EPB41L4B: variants seen among roughly 807,000 people sequenced by gnomAD.
EPB41L4B encodes the protein band 4.1-like protein 4B.
EPB41L4B carries 30 observed loss-of-function variants against 112.5 expected under a neutral mutation model. That is an observed-to-expected ratio of 0.27 (90% CI 0.20 to 0.36). The LOEUF (loss-of-function observed/expected upper bound fraction) is 0.36, where lower values mean the gene tolerates loss of function less well. Among genes scored for constraint, EPB41L4B ranks in the 10% least tolerant of loss-of-function variants. EPB41L4B has a pLI of 1.00. For synonymous variants in EPB41L4B, 408 were observed against 439.7 expected, an observed-to-expected ratio of 0.93 and a Z score of 0.90; for missense variants, 1,024 against 1,133.3, an observed-to-expected ratio of 0.90 and a Z score of 1.38.
At chr9:109,285,215 C>T (rs999485) in intron 1 of EPB41L4B, among the ~76,000 whole-genome samples, 1 of 152,152 alleles carries the variant, frequency 6.6e-6, no homozygotes, top group Admixed American at 6.5e-5. Flanking sequence ...ACTGAACCAT[C>T]ACAGCTCTAC....
intron 1 of EPB41L4B, among the ~76,000 whole-genome samples, chr9:109,302,528 A>G (rs1837008744): frequency 6.6e-6 from 1 of 152,178 alleles, no homozygotes; most frequent in South Asian, 2.1e-4. Context: ...GGAGGGGGCC[A>G]CAATTCAGCC....
At chr9:109,290,502 C>T (rs2119177677) in intron 1 of EPB41L4B, among the ~76,000 whole-genome samples, 1 of 152,104 alleles carries the variant, frequency 6.6e-6, no homozygotes, top group East Asian at 1.9e-4. Context: ...CTTCTTTTCC[C>T]AGTCCTTAAA....
At chr9:109,265,096 G>T in intron 4 of EPB41L4B, 72 bp from the exon 5 acceptor site, 1 of 1,244,212 alleles carries the variant, frequency 8.0e-7, no homozygotes, top group Non-Finnish European at 1.1e-6. Flanking sequence ...GCTTCCCACT[G>T]CAAACCCCAC....
In EPB41L4B at chr9:109,174,297, G is replaced by A. The variant is rs115419201; in HGVS notation, c.*257C>T. 1,487 of 393,124 alleles carry A rather than the reference G, an allele frequency of 3.8e-3. 13 individuals are homozygous for A. Among genetic ancestry groups the A allele is most frequent in the African/African-American group, 0.027 (1,382 of 50,328 alleles). 24.4% of individuals were successfully genotyped at this position (393,124 alleles called of 1,614,324 possible). A position where few individuals can be genotyped will look rare whatever the true frequency, so the allele number is the denominator to read the frequency against. On this transcript the variant is annotated 3_prime_UTR_variant, in exon 26 of 26. Coordinates refer to ENST00000374566, the MANE Select transcript of EPB41L4B (RefSeq NM_019114.5). ...ACAGGTACTTCTGAAAAGGAATCCC[G>A]TTTTCCCATCTTTCTTTTCCTAGAC...
intron 2 of EPB41L4B, among the ~76,000 whole-genome samples, chr9:109,273,256 T>C (rs918342290): frequency 5.3e-5 from 8 of 151,656 alleles, no homozygotes; most frequent in Admixed American, 4.6e-4. Flanking sequence ...CTTTTTTTTT[T>C]TTCTTTTCGA....
At chr9:109,245,146 T>C (rs2118979738) in intron 14 of EPB41L4B, among the ~76,000 whole-genome samples, 1 of 152,340 alleles carries the variant, frequency 6.6e-6, no homozygotes, top group Middle Eastern at 3.4e-3. Flanking sequence ...TATTTCTCCT[T>C]TAGGGGCTAC....
At chr9:109,214,842 A>G (rs181257549) in intron 16 of EPB41L4B, among the ~76,000 whole-genome samples, 1 of 152,300 alleles carries the variant, frequency 6.6e-6, no homozygotes, top group Non-Finnish European at 1.5e-5. Context: ...GAAAGGTCTT[A>G]TGGCATGTGG....
intron 25 of EPB41L4B, among the ~76,000 whole-genome samples, 155 bp downstream of exon 25, chr9:109,176,396 C>T (rs1831839831): frequency 6.6e-6 from 1 of 152,182 alleles, no homozygotes; most frequent in African/African-American, 2.4e-5. Context: ...AGAGCCACCG[C>T]ACCTGGCCCC....
At chr9:109,303,330 A>G (rs933226077) in intron 1 of EPB41L4B, among the ~76,000 whole-genome samples, 1 of 151,914 alleles carries the variant, frequency 6.6e-6, no homozygotes, top group African/African-American at 2.4e-5. Context: ...TTTTATTTTT[A>G]TAAGTTGTGG....
chr9:109,183,301 T>C (rs761811193), intron 23 of EPB41L4B, among the ~76,000 whole-genome samples: 38 of 152,292 alleles, frequency 2.5e-4, no homozygotes, highest in Non-Finnish European at 5.0e-4. Context: ...ATTCCCTGTC[T>C]AATCACTTCA....
At chr9:109,284,138 G>T (rs1343109769) in intron 1 of EPB41L4B, among the ~76,000 whole-genome samples, 2 of 152,066 alleles carry the variant, frequency 1.3e-5, no homozygotes, top group African/African-American at 4.8e-5. Flanking sequence ...GAACATCACA[G>T]CTTAACCTAG....
At chr9:109,281,785 ACTG>A (rs1836070451) in intron 1 of EPB41L4B, among the ~76,000 whole-genome samples, 1 of 152,108 alleles carries the variant, frequency 6.6e-6, no homozygotes, top group Non-Finnish European at 1.5e-5. Context: ...ACCCTCATAT[ACTG>A]CTGATGGGAA....
At chr9:109,276,432 A>C (rs1835831482) in intron 2 of EPB41L4B, among the ~76,000 whole-genome samples, 1 of 152,134 alleles carries the variant, frequency 6.6e-6, no homozygotes. Context: ...TAAGACCCAG[A>C]CTGTAAGGAG....
At chr9:109,264,888 G>C in intron 5 of EPB41L4B, 92 bp downstream of exon 5, 1 of 1,208,022 alleles carries the variant, frequency 8.3e-7, no homozygotes, top group Non-Finnish European at 1.1e-6. Context: ...ATTTTGAAAA[G>C]GGAACAAGGG....
In EPB41L4B at chr9:109,250,370, CCTGA is replaced by C. The variant is rs555068285; in HGVS notation, c.1310+1107_1310+1110del. On this transcript the variant is annotated intron_variant, in intron 13 of 25. Coordinates refer to ENST00000374566, the MANE Select transcript of EPB41L4B (RefSeq NM_019114.5). Reference sequence around the variant, plus strand: ...CCCCGTGCCACGTTTTGCCAACTGTCCTGACTGATAGTGCATGGCACAGTCAAGC... The same window carrying C: ...CCCCGTGCCACGTTTTGCCAACTGTCCTGATAGTGCATGGCACAGTCAAGC... 3.3e-5 allele frequency among the ~76,000 whole-genome samples: 5 copies of C among 152,280 alleles called. No individual in the cohort carries two copies. The South Asian group carries it at 6.2e-4, about 19-fold the overall frequency.
intron 1 of EPB41L4B, among the ~76,000 whole-genome samples, chr9:109,314,680 CA>C (rs1837568542): frequency 6.6e-6 from 1 of 152,024 alleles, no homozygotes; most frequent in African/African-American, 2.4e-5. Flanking sequence ...AAGGCATATC[CA>C]AAAATAACAC....
Position 109,320,618 on chromosome 9 carries a change from TC to T in EPB41L4B, c.-173del, listed in dbSNP as rs1837838655. 2 of 156,452 alleles carry T rather than the reference TC, an allele frequency of 1.3e-5. No individual in the cohort carries two copies. The highest frequency in any genetic ancestry group is 9.0e-5 in the Admixed American group (1 of 11,148). 9.7% of individuals were successfully genotyped at this position (156,452 alleles called of 1,614,324 possible). The stretch of plus-strand genomic sequence containing the variant: ...GCCCGCGCCGAGGCCGAGGCCGCGC[TC>T]TAGCCGCCTGCGGGGCGCGCCGGCC... On this transcript the variant is annotated 5_prime_UTR_variant, in exon 1 of 26. Transcript: ENST00000374566.
At chr9:109,240,814 G>A (rs1309978465) in intron 15 of EPB41L4B, 1 of 985,326 alleles carries the variant, frequency 1.0e-6, no homozygotes, top group Non-Finnish European at 1.2e-6. Flanking sequence ...CTGACAGTGT[G>A]TATTCACAAT....
At chr9:109,213,893 C>T in intron 16 of EPB41L4B, 75 bp from the exon 17 acceptor site, 1 of 1,346,958 alleles carries the variant, frequency 7.4e-7, no homozygotes, top group Non-Finnish European at 1.1e-6. Flanking sequence ...GGGACACTTG[C>T]CAGCGCCCGA....
Sources: gnomAD v4.1 joint callset for allele counts (sites outside exome capture counted in the v4.1 genomes callset) on GRCh38, gnomAD v4.1.1 for gene constraint, MANE v1.5 for transcripts, NCBI Gene and HGNC (gene_info 2026-07-23, HGNC 2026-07-21) for gene names.